ZNF429: variants seen among roughly 807,000 people sequenced by gnomAD.
ZNF429 encodes zinc finger protein 429.
ZNF429 carries 53 observed loss-of-function variants against 56.8 expected under a neutral mutation model. That is an observed-to-expected ratio of 0.93 (90% CI 0.75 to 1.17). The LOEUF (loss-of-function observed/expected upper bound fraction) is 1.17. Ranked by LOEUF, ZNF429 falls within the 50% of genes most tolerant of loss-of-function variation. The pLI, the probability that ZNF429 is intolerant of heterozygous loss-of-function variation, is 0.00. For synonymous variants in ZNF429, 278 were observed against 264.7 expected (o/e 1.05, Z -0.49); for missense variants, 849 against 788.4 (o/e 1.08, Z -0.92).
intron 1 of ZNF429, among the ~76,000 whole-genome samples, chr19:21,526,283 A>G (rs1164234345): frequency 6.6e-6 from 1 of 152,030 alleles, no homozygotes; most frequent in African/African-American, 2.4e-5. Context: ...CCATCACCCA[A>G]GCAGTTTACA....
At chr19:21,530,115 C>T in intron 2 of ZNF429, among the ~76,000 whole-genome samples, 4 of 149,900 alleles carry the variant, frequency 2.7e-5, no homozygotes, top group Admixed American at 1.3e-4. Context: ...GGCGTGAACC[C>T]GGGAGGTGGA....
At position 21,536,625 on chromosome 19, in the gene ZNF429, A is replaced by T. The variant is rs200957334; in HGVS notation, c.572A>T (p.His191Leu). 1 of 1,613,690 alleles carries T rather than the reference A, an allele frequency of 6.2e-7. No individual in the cohort carries two copies. Among genetic ancestry groups the T allele is most frequent in the Non-Finnish European group, 8.5e-7 (1 of 1,179,898 alleles). Residue 191 changes from histidine to leucine, a missense_variant, in exon 4 of 4, where the codon CAT becomes CTT. Physicochemically the swap from His to Leu is moderately conservative, Grantham distance 99. Transcript: ENST00000358491. Reference sequence around the variant, plus strand: ...TGCATGCTTTCACAACTAACTCAACATAAGAAAATTCATATTAGAGAGAAT... The same window carrying T: ...TGCATGCTTTCACAACTAACTCAACTTAAGAAAATTCATATTAGAGAGAAT... ...SFCMLSQLTQ[H>L]KKIHIRENTY...
At chr19:21,534,901 C>G in intron 3 of ZNF429, among the ~76,000 whole-genome samples, 1 of 151,340 alleles carries the variant, frequency 6.6e-6, no homozygotes, top group African/African-American at 2.4e-5. Flanking sequence ...GCTCCGCCTC[C>G]CGGGTTCACG....
In ZNF429 at chr19:21,536,548, A is replaced by C; in HGVS notation, c.495A>C (p.Thr165=). ...YAFSNADRYK[T]RHTGKKPFQC... Reference sequence around the variant, plus strand: ...TTTCAAATGCAGATAGATACAAGACAAGACATACTGGAAAGAAACCTTTCC... The same window carrying C: ...TTTCAAATGCAGATAGATACAAGACCAGACATACTGGAAAGAAACCTTTCC... The change falls in exon 4 of 4, where the codon ACA becomes ACC. Residue 165 remains threonine, a synonymous_variant. Coordinates refer to ENST00000358491, the MANE Select transcript of ZNF429 (RefSeq NM_001001415.4). The C allele has an allele frequency of 1.2e-6, 2 of 1,613,694 alleles. No individual in the cohort carries two copies. The highest frequency in any genetic ancestry group is 1.7e-6 in the Non-Finnish European group (2 of 1,179,840).
At chr19:21,509,496 C>G (rs996267598) in intron 1 of ZNF429, among the ~76,000 whole-genome samples, 2 of 152,168 alleles carry the variant, frequency 1.3e-5, no homozygotes, top group Non-Finnish European at 2.9e-5. Context: ...GAAATTAAAA[C>G]TTGAGCCCAG....
chr19:21,531,121 A>AAAC, intron 3 of ZNF429, among the ~76,000 whole-genome samples: 59,057 of 103,926 alleles, frequency 0.57, 15,047 homozygotes, highest in South Asian at 0.67. Context: ...AAAAAAAAAA[A>AAAC]AAAAAAAACC....
At chr19:21,512,356 C>T (rs1054549997) in intron 1 of ZNF429, among the ~76,000 whole-genome samples, 2 of 151,944 alleles carry the variant, frequency 1.3e-5, no homozygotes, top group African/African-American at 4.8e-5. Flanking sequence ...CTTGTGCCAA[C>T]CTCTTATTAT....
chr19:21,524,008 C>T (rs2033077243), intron 1 of ZNF429, among the ~76,000 whole-genome samples: 2 of 152,204 alleles, frequency 1.3e-5, no homozygotes, highest in African/African-American at 4.8e-5. Context: ...TAACAGGAGG[C>T]ATCTTCTGCA....
At chr19:21,521,691 AG>A (rs1182151804) in intron 1 of ZNF429, 1 of 152,876 alleles carries the variant, frequency 6.5e-6, no homozygotes, top group Non-Finnish European at 1.5e-5. Flanking sequence ...CTGTTTCAGA[AG>A]GCCTATTCAT....
chr19:21,507,356 A>G (rs1212731325), intron 1 of ZNF429, among the ~76,000 whole-genome samples: 2 of 152,154 alleles, frequency 1.3e-5, no homozygotes, highest in Admixed American at 6.5e-5. Context: ...TACATTTTTG[A>G]TACTGTATTT....
At position 21,537,641 on chromosome 19, in the gene ZNF429, A is replaced by G; in HGVS notation, c.1588A>G (p.Ile530Val). The stretch of plus-strand genomic sequence containing the variant: ...CTCAAGACTTACTCAACATAAGAAA[A>G]TTCATACTGGAGAGAAACCTTACAA... ...LSSRLTQHKK[I>V]HTGEKPYKCE... The change falls in exon 4 of 4, where the codon ATT becomes GTT. Residue 530 changes from isoleucine (I) to valine (V), a missense_variant. By Grantham distance (29) the Ile-to-Val change is conservative. Coordinates refer to ENST00000358491, the MANE Select transcript of ZNF429 (RefSeq NM_001001415.4). 6.2e-7 allele frequency: 1 copy of G among 1,613,586 alleles called. No individual in the cohort carries two copies. Among genetic ancestry groups the G allele is most frequent in the Non-Finnish European group, 8.5e-7 (1 of 1,179,814 alleles).
chr19:21,521,738 A>G (rs1370456391), intron 1 of ZNF429: 1 of 153,014 alleles, frequency 6.5e-6, no homozygotes, highest in Non-Finnish European at 1.5e-5. Flanking sequence ...GGGCTGTCAC[A>G]GTGAGAACTC....
intron 2 of ZNF429, 119 bp downstream of exon 2, chr19:21,529,903 A>T: frequency 1.3e-6 from 1 of 769,948 alleles, no homozygotes; most frequent in African/African-American, 1.9e-5. Context: ...TCCTGCTTTT[A>T]AGAAAAGTTT....
chr19:21,537,280 C>T lies in ZNF429; in HGVS notation c.1227C>T (p.Ser409=), dbSNP rs1377634651. ...FEKCGRVFTC[S]STLTQDKKIH... ...AATGTGGCAGAGTTTTTACCTGTTC[C>T]TCAACACTTACTCAAGACAAGAAAA... is the stretch of plus-strand genomic sequence containing the variant. Residue 409 remains serine (S), a synonymous_variant, in exon 4 of 4, where the codon TCC becomes TCT. Transcript: ENST00000358491. The T allele has an allele frequency of 6.2e-7, 1 of 1,613,796 alleles. No homozygotes were observed. Among genetic ancestry groups the T allele is most frequent in the Non-Finnish European group, 8.5e-7 (1 of 1,179,950 alleles).
intron 3 of ZNF429, 104 bp downstream of exon 3, chr19:21,530,788 A>G: frequency 1.1e-6 from 1 of 901,992 alleles, no homozygotes; most frequent in Non-Finnish European, 1.6e-6. Flanking sequence ...TTTCAAAGAA[A>G]ATATTTTCTG....
At chr19:21,514,366 C>T (rs1360686772) in intron 1 of ZNF429, among the ~76,000 whole-genome samples, 1 of 152,054 alleles carries the variant, frequency 6.6e-6, no homozygotes, top group African/African-American at 2.4e-5. Context: ...GGCCTCAGTG[C>T]TTGTTGTTCC....
chr19:21,517,783 C>T (rs2032817834), intron 1 of ZNF429, among the ~76,000 whole-genome samples: 1 of 148,164 alleles, frequency 6.7e-6, no homozygotes, highest in African/African-American at 2.5e-5. Context: ...AGTAATGACC[C>T]TTTTGTCATT....
intron 1 of ZNF429, among the ~76,000 whole-genome samples, chr19:21,516,535 A>G (rs2032752500): frequency 1.3e-5 from 2 of 152,266 alleles, no homozygotes; most frequent in South Asian, 4.1e-4. Flanking sequence ...TTTGAGCAGT[A>G]TGGTTATTTT....
chr19:21,518,101 C>T (rs955768323), intron 1 of ZNF429, among the ~76,000 whole-genome samples: 2 of 152,200 alleles, frequency 1.3e-5, no homozygotes, highest in African/African-American at 4.8e-5. Context: ...TTTGAATCTT[C>T]TCTTCTTACT....
Sources: gnomAD v4.1 joint callset for allele counts (sites outside exome capture counted in the v4.1 genomes callset) on GRCh38, gnomAD v4.1.1 for gene constraint, MANE v1.5 for transcripts, NCBI Gene and HGNC (gene_info 2026-07-23, HGNC 2026-07-21) for gene names.